TDRD3: variants seen among roughly 807,000 people sequenced by gnomAD.
TDRD3 encodes the protein tudor domain containing 3, also known as tudor domain-containing protein 3.
TDRD3 carries 45 observed loss-of-function variants against 86.7 expected under a neutral mutation model. The observed-to-expected ratio is 0.52, with a 90% CI of 0.41 to 0.67. The LOEUF is 0.67. Ranked by LOEUF, TDRD3 falls within the 30% of genes least tolerant of loss-of-function variation. The pLI, the probability that TDRD3 is intolerant of heterozygous loss-of-function variation, is 0.00. For missense variants in TDRD3, 814 were observed against 889.0 expected (o/e 0.92, Z 1.07); for synonymous variants, 298 against 301.7 (o/e 0.99, Z 0.13).
intron 8 of TDRD3, among the ~76,000 whole-genome samples, chr13:60,504,331 T>A (rs977806052): frequency 5.9e-5 from 9 of 152,210 alleles, no homozygotes; most frequent in African/African-American, 2.2e-4. Context: ...ACCTGGTTAG[T>A]AAGCAGTTTT....
intron 12 of TDRD3, among the ~76,000 whole-genome samples, chr13:60,550,545 G>A (rs1422401367): frequency 6.6e-6 from 1 of 152,042 alleles, no homozygotes; most frequent in African/African-American, 2.4e-5. Context: ...GGTAGGATTT[G>A]TCTTAGTAAA....
chr13:60,509,728 G>A (rs1184185532), intron 8 of TDRD3, 35 bp from the exon 9 acceptor site: 9 of 1,612,500 alleles, frequency 5.6e-6, no homozygotes, highest in Non-Finnish European at 6.8e-6. Flanking sequence ...CTTATCTGTG[G>A]GCTATCAGCC....
chr13:60,471,800 A>G (rs1433248941), intron 5 of TDRD3, among the ~76,000 whole-genome samples: 2 of 152,062 alleles, frequency 1.3e-5, no homozygotes, highest in Non-Finnish European at 2.9e-5. Context: ...TACATATAAG[A>G]TCACGTTATC....
rs139395811 is a variant in TDRD3 at position 60,523,615 on chromosome 13, C to A, written c.1142-4752C>A. Among the ~76,000 whole-genome samples, 731 of 128,288 alleles carry A rather than the reference C, an allele frequency of 5.7e-3. 3 individuals are homozygous for A. The highest frequency in any genetic ancestry group is 0.041 in the Middle Eastern group (7 of 170). 84.2% of individuals were successfully genotyped at this position (128,288 alleles called of 152,430 possible). ...TTTTTGAGACAGAGTCTTGCTCTGT[C>A]ACCCAGGCTAGAATGCAGAGGTGCC... is the stretch of plus-strand genomic sequence containing the variant. On this transcript the variant is annotated intron_variant, in intron 10 of 13. Transcript: ENST00000377881.
chr13:60,538,583 T>G (rs1957746054), intron 12 of TDRD3, among the ~76,000 whole-genome samples: 1 of 152,130 alleles, frequency 6.6e-6, no homozygotes, highest in Admixed American at 6.6e-5. Flanking sequence ...TTATGGAGTC[T>G]CATGTTTCAC....
intron 5 of TDRD3, among the ~76,000 whole-genome samples, chr13:60,479,274 G>A (rs1337559755): frequency 6.6e-6 from 1 of 152,150 alleles, no homozygotes; most frequent in East Asian, 1.9e-4. Context: ...TTATTCAGGA[G>A]TAAGTTTTAA....
At chr13:60,437,252 G>C (rs979125498) in intron 1 of TDRD3, among the ~76,000 whole-genome samples, 1 of 147,852 alleles carries the variant, frequency 6.8e-6, no homozygotes, top group Non-Finnish European at 1.5e-5. Context: ...TCAGCCTCCC[G>C]AGTAGCTGTG....
intron 1 of TDRD3, among the ~76,000 whole-genome samples, chr13:60,432,834 T>C (rs778689249): frequency 9.9e-5 from 15 of 152,168 alleles, no homozygotes; most frequent in Non-Finnish European, 1.8e-4. Flanking sequence ...ATTTTCTTTG[T>C]GGCTAAGCAA....
chr13:60,491,826 A>G (rs1376592418), intron 7 of TDRD3, among the ~76,000 whole-genome samples: 1 of 152,030 alleles, frequency 6.6e-6, no homozygotes, highest in African/African-American at 2.4e-5. Flanking sequence ...GGAAGTAAGC[A>G]TGGTCAACAG....
intron 5 of TDRD3, among the ~76,000 whole-genome samples, chr13:60,470,177 T>C (rs1040389418): frequency 6.6e-6 from 1 of 152,230 alleles, no homozygotes; most frequent in African/African-American, 2.4e-5. Context: ...GCATAGAATT[T>C]TCAGTGTTCA....
chr13:60,525,011 CG>C (rs1219057430), intron 10 of TDRD3, among the ~76,000 whole-genome samples: 1 of 128,410 alleles, frequency 7.8e-6, no homozygotes, highest in Non-Finnish European at 1.6e-5. Context: ...CACTTGAACC[CG>C]GGAGGTGGAG....
chr13:60,413,434 C>A (rs954634689), intron 1 of TDRD3, among the ~76,000 whole-genome samples: 1 of 152,126 alleles, frequency 6.6e-6, no homozygotes, highest in Non-Finnish European at 1.5e-5. Context: ...TTAGCTATAA[C>A]CTTGGGCACA....
chr13:60,468,675 A>C (rs1956004544), intron 5 of TDRD3, among the ~76,000 whole-genome samples: 1 of 152,198 alleles, frequency 6.6e-6, no homozygotes, highest in Non-Finnish European at 1.5e-5. Context: ...CTTTATGATT[A>C]GACAGATGAT....
intron 6 of TDRD3, 59 bp from the exon 7 acceptor site, chr13:60,485,740 C>T (rs768812864): frequency 2.2e-5 from 30 of 1,363,714 alleles, no homozygotes; most frequent in East Asian, 1.3e-4. Flanking sequence ...TACTTTCTAA[C>T]GAAAACTTGA....
At position 60,492,917 on chromosome 13, in the gene TDRD3, C is replaced by CTTTTT. The variant is rs71199004; in HGVS notation, c.718-1503_718-1499dup. 9.2e-3 allele frequency among the ~76,000 whole-genome samples: 1,061 copies of CTTTTT among 115,328 alleles called. 6 individuals carry two copies. The highest frequency in any genetic ancestry group is 0.011 in the Non-Finnish European group (653 of 56,996). 75.7% of individuals were successfully genotyped at this position (115,328 alleles called of 152,430 possible). On this transcript the variant is annotated intron_variant, in intron 7 of 13. Transcript: ENST00000377881. ...CGTTTCAAATAATTTTCTTTCTTTT[C>CTTTTT]TTTTTTTTTTTTTTTTTTTGAGACG...
At chr13:60,556,190 A>C (rs185048780) in intron 12 of TDRD3, among the ~76,000 whole-genome samples, 83 of 152,290 alleles carry the variant, frequency 5.5e-4, no homozygotes, top group African/African-American at 1.9e-3. Flanking sequence ...AAAAGAACTT[A>C]ATTTTACACT....
intron 1 of TDRD3, among the ~76,000 whole-genome samples, chr13:60,427,304 A>G (rs1954836700): frequency 6.6e-6 from 1 of 151,996 alleles, no homozygotes; most frequent in South Asian, 2.1e-4. Flanking sequence ...ATGTTGGGTA[A>G]TTTTGGATTT....
At chr13:60,475,304 A>G (rs957163600) in intron 5 of TDRD3, among the ~76,000 whole-genome samples, 1 of 151,990 alleles carries the variant, frequency 6.6e-6, no homozygotes, top group African/African-American at 2.4e-5. Flanking sequence ...ATGTGTACTC[A>G]GTGTTTATTT....
At position 60,569,995 on chromosome 13, in the gene TDRD3, ATTGGTC is replaced by A. The variant is rs1374977937; in HGVS notation, c.*9+2347_*9+2352del. ...CAACACTGGAGAAACAGTCTAGGAC[ATTGGTC>A]TGGGCAAAAACTTTTTGAGTAAGAC... On this transcript the variant is annotated intron_variant, in intron 13 of 13. Transcript: ENST00000377881. 6.6e-5 allele frequency among the ~76,000 whole-genome samples: 10 copies of A among 152,224 alleles called. No homozygotes were observed. The East Asian group carries it at 1.2e-3, about 18-fold the overall frequency.
Sources: allele counts gnomAD v4.1 joint callset (sites outside exome capture counted in the v4.1 genomes callset), GRCh38; gene constraint gnomAD v4.1.1; transcripts MANE v1.5; gene names NCBI Gene and HGNC (gene_info 2026-07-23, HGNC 2026-07-21).